The following SUGCT variants were observed in gnomAD, a reference collection of about 807,000 sequenced individuals.
The protein encoded by SUGCT is succinyl-CoA:glutarate CoA-transferase.
A neutral mutation model predicts 55.0 loss-of-function variants in SUGCT; 41 were observed. The observed-to-expected ratio is 0.74, with a 90% CI of 0.58 to 0.97. The LOEUF is 0.97. SUGCT is among the 50% of genes least tolerant of loss of function. The pLI is 0.00. For synonymous variants in SUGCT, 187 were observed against 200.4 expected (o/e 0.93, Z 0.56); for missense variants, 568 against 547.8 (o/e 1.04, Z -0.37).
chr7:40,829,226 C>T (rs1792524809), intron 13 of SUGCT, among the ~76,000 whole-genome samples: 1 of 152,158 alleles, frequency 6.6e-6, no homozygotes, highest in African/African-American at 2.4e-5. Context: ...ATAACGAAGA[C>T]TGTGTATAAA....
At chr7:40,798,657 C>T (rs1768531082) in intron 13 of SUGCT, among the ~76,000 whole-genome samples, 1 of 152,132 alleles carries the variant, frequency 6.6e-6, no homozygotes, top group Non-Finnish European at 1.5e-5. Context: ...GGTTCAAATA[C>T]CACCACTTAT....
At chr7:40,635,287 A>C (rs1799974586) in intron 12 of SUGCT, among the ~76,000 whole-genome samples, 1 of 152,134 alleles carries the variant, frequency 6.6e-6, no homozygotes, top group Non-Finnish European at 1.5e-5. Flanking sequence ...CTCTGTCTCC[A>C]AAAAAGAAAA....
chr7:40,825,308 C>T (rs1377725158), intron 13 of SUGCT, among the ~76,000 whole-genome samples: 3 of 152,094 alleles, frequency 2.0e-5, no homozygotes, highest in Non-Finnish European at 4.4e-5. Flanking sequence ...GTACTTTCAT[C>T]AAGCTAAAAT....
the SUGCT span, among the ~76,000 whole-genome samples, chr7:41,001,110 T>C: frequency 6.6e-6 from 1 of 152,168 alleles, no homozygotes; most frequent in Non-Finnish European, 1.5e-5. Context: ...GGATATCTAC[T>C]TTCAATGTTT....
the SUGCT span, among the ~76,000 whole-genome samples, chr7:40,991,460 CAGGCT>C: frequency 1.3e-5 from 2 of 152,042 alleles, no homozygotes; most frequent in African/African-American, 4.8e-5. Context: ...GAAGTGAGTG[CAGGCT>C]GTTGGAAAAA....
intron 13 of SUGCT, among the ~76,000 whole-genome samples, chr7:40,829,914 C>A (rs1385218920): frequency 6.6e-5 from 10 of 152,162 alleles, no homozygotes. Flanking sequence ...AAACTCAATC[C>A]AAAATAGAAT....
At chr7:40,440,623 C>G (rs1788464508) in intron 9 of SUGCT, among the ~76,000 whole-genome samples, 1 of 152,026 alleles carries the variant, frequency 6.6e-6, no homozygotes, top group Admixed American at 6.6e-5. Context: ...TGATATTTAC[C>G]AAGTCAGTAA....
chr7:40,487,218 G>A (rs570508545), intron 11 of SUGCT, among the ~76,000 whole-genome samples: 4 of 146,414 alleles, frequency 2.7e-5, no homozygotes, highest in South Asian at 2.2e-4. Context: ...CCAGGTAGCC[G>A]GGATTACAGG....
intron 12 of SUGCT, among the ~76,000 whole-genome samples, chr7:40,529,351 G>A (rs540135706): frequency 6.6e-6 from 1 of 152,334 alleles, no homozygotes; most frequent in African/African-American, 2.4e-5. Flanking sequence ...ACAGTGGAGA[G>A]CTTCCTCTCC....
At chr7:40,907,103 G>T in the SUGCT span, among the ~76,000 whole-genome samples, 50,186 of 129,514 alleles carry the variant, frequency 0.39, 8,599 homozygotes, top group South Asian at 0.54. Flanking sequence ...GATAGTGTGT[G>T]TGTGTGTGTG....
At chr7:40,839,338 G>A (rs934419119) in intron 13 of SUGCT, among the ~76,000 whole-genome samples, 1 of 152,024 alleles carries the variant, frequency 6.6e-6, no homozygotes, top group South Asian at 2.1e-4. Flanking sequence ...AAACTCCTGG[G>A]TTCAACTAAT....
At chr7:40,721,468 T>C (rs1326039951) in intron 12 of SUGCT, among the ~76,000 whole-genome samples, 1 of 152,210 alleles carries the variant, frequency 6.6e-6, no homozygotes, top group Non-Finnish European at 1.5e-5. Flanking sequence ...TGAGACATAA[T>C]GGTGAAATGC....
the SUGCT span, among the ~76,000 whole-genome samples, chr7:41,036,068 A>C: frequency 1.3e-5 from 2 of 152,216 alleles, no homozygotes; most frequent in African/African-American, 2.4e-5. Context: ...TCCTTCAGGG[A>C]GGACTCAGGT....
intron 9 of SUGCT, among the ~76,000 whole-genome samples, chr7:40,345,953 G>T (rs199743154): frequency 1.3e-5 from 2 of 149,716 alleles, no homozygotes; most frequent in Non-Finnish European, 1.5e-5. Flanking sequence ...GTTTGTTTTT[G>T]TTTTTTTTTA....
At chr7:41,031,241 G>A in the SUGCT span, among the ~76,000 whole-genome samples, 7 of 152,086 alleles carry the variant, frequency 4.6e-5, no homozygotes, top group East Asian at 1.9e-4. Context: ...GCCAAGTCTC[G>A]GCAGGGCAGT....
intron 9 of SUGCT, among the ~76,000 whole-genome samples, chr7:40,367,365 A>T (rs1583525469): frequency 6.6e-6 from 1 of 151,982 alleles, no homozygotes; most frequent in East Asian, 1.9e-4. Context: ...ATGTATACAT[A>T]TGTAACTAAC....
chr7:40,702,260 C>A (rs2128663171), intron 12 of SUGCT, among the ~76,000 whole-genome samples: 1 of 152,322 alleles, frequency 6.6e-6, no homozygotes, highest in Non-Finnish European at 1.5e-5. Context: ...GGCAGGCCAG[C>A]TGCTAGAACA....
At chr7:40,623,529 A>G (rs955641022) in intron 12 of SUGCT, among the ~76,000 whole-genome samples, 1 of 152,144 alleles carries the variant, frequency 6.6e-6, no homozygotes, top group Non-Finnish European at 1.5e-5. Context: ...CTTCTTTTTA[A>G]CATCTCCTTT....
chr7:40,699,765 A>G (rs904015425), intron 12 of SUGCT, among the ~76,000 whole-genome samples: 1 of 152,152 alleles, frequency 6.6e-6, no homozygotes, highest in Non-Finnish European at 1.5e-5. Context: ...GCTACTCAGG[A>G]GGCTGAGGCA....
Sources: allele counts gnomAD v4.1 joint callset (sites outside exome capture counted in the v4.1 genomes callset), GRCh38; gene constraint gnomAD v4.1.1; transcripts MANE v1.5; gene names NCBI Gene and HGNC (gene_info 2026-07-23, HGNC 2026-07-21).